The following DPP6 variants were observed in gnomAD, a reference collection of about 807,000 sequenced individuals.
DPP6 encodes the protein dipeptidyl peptidase like 6.
In DPP6, 69 loss-of-function variants were observed where a neutral mutation model predicts 122.6. The observed-to-expected ratio is 0.56, with a 90% CI of 0.46 to 0.69. The LOEUF is 0.69. Among genes scored for constraint, DPP6 ranks in the 30% least tolerant of loss-of-function variants. DPP6 has a pLI of 0.00. For synonymous variants in DPP6, 418 were observed against 433.1 expected (o/e 0.97, Z 0.43); for missense variants, 928 against 1,116.9 (o/e 0.83, Z 2.41).
At chr7:154,247,610 C>T (rs781479920) in intron 1 of DPP6, among the ~76,000 whole-genome samples, 26 of 151,884 alleles carry the variant, frequency 1.7e-4, no homozygotes, top group Non-Finnish European at 2.8e-4. Context: ...CAAATATTGG[C>T]AGGGATGTAA....
the DPP6 span, among the ~76,000 whole-genome samples, chr7:153,881,495 G>T: frequency 6.6e-6 from 1 of 152,150 alleles, no homozygotes; most frequent in African/African-American, 2.4e-5. Context: ...CTACCCAAAT[G>T]ATATCCTTAT....
chr7:153,864,910 A>C, the DPP6 span, among the ~76,000 whole-genome samples: 1,028 of 152,238 alleles, frequency 6.8e-3, 9 homozygotes, highest in Non-Finnish European at 6.6e-3. Flanking sequence ...TCTCAGGATC[A>C]GTGAAAAGAG....
rs190951123 is a variant in DPP6 at position 154,035,722 on chromosome 7, C to T, written c.51+147988C>T. 4.9e-3 allele frequency among the ~76,000 whole-genome samples: 741 copies of T among 152,198 alleles called. 11 individuals are homozygous for T. Among genetic ancestry groups the T allele is most frequent in the African/African-American group, 0.017 (709 of 41,498 alleles). ...GAAGCTCAAAGTTACAGCCAAGGCA[C>T]AGACTGAATGCTTTAAAATCTTGTC... is the stretch of plus-strand genomic sequence containing the variant. On this transcript the variant is annotated intron_variant, in intron 1 of 25. Coordinates refer to the DPP6 transcript ENST00000404039.
intron 1 of DPP6, among the ~76,000 whole-genome samples, chr7:154,254,170 T>C (rs1481529298): frequency 6.6e-6 from 1 of 152,212 alleles, no homozygotes. Flanking sequence ...ATCCCTGTTC[T>C]ATATAGATGA....
At chr7:154,865,555 C>G (rs1176318174) in intron 17 of DPP6, 2 of 151,936 alleles carry the variant, frequency 1.3e-5, no homozygotes, top group African/African-American at 4.9e-5. Context: ...ACACCAGAAA[C>G]TTTTCCATCA....
chr7:154,710,925 T>G (rs753450), intron 7 of DPP6, among the ~76,000 whole-genome samples: 115,002 of 152,190 alleles, frequency 0.76, 45,512 homozygotes, highest in Non-Finnish European at 0.88. Context: ...TGCTTCGCCC[T>G]ATAAATTATG....
At chr7:153,862,378 G>T in the DPP6 span, among the ~76,000 whole-genome samples, 2 of 152,304 alleles carry the variant, frequency 1.3e-5, no homozygotes, top group East Asian at 3.9e-4. Flanking sequence ...TCTGATGGCA[G>T]GTTCCACTCT....
chr7:154,280,853 C>T (rs1339696006), intron 1 of DPP6, among the ~76,000 whole-genome samples: 2 of 152,060 alleles, frequency 1.3e-5, no homozygotes, highest in Non-Finnish European at 2.9e-5. Context: ...CGTAGCCATC[C>T]CACGAGGTAA....
intron 8 of DPP6, among the ~76,000 whole-genome samples, chr7:154,744,520 G>A (rs933957074): frequency 6.6e-6 from 1 of 152,196 alleles, no homozygotes; most frequent in Admixed American, 6.5e-5. Flanking sequence ...GAGGGGATTC[G>A]CAGTGTGTGA....
intron 5 of DPP6, among the ~76,000 whole-genome samples, chr7:154,575,883 G>C (rs1313174929): frequency 6.6e-6 from 1 of 151,866 alleles, no homozygotes; most frequent in East Asian, 1.9e-4. Flanking sequence ...CATTCCAGCG[G>C]ATCTACAGGT....
At chr7:153,836,499 T>A in the DPP6 span, among the ~76,000 whole-genome samples, 50 of 152,228 alleles carry the variant, frequency 3.3e-4, 2 homozygotes, top group Non-Finnish European at 1.5e-4. Flanking sequence ...GGACATTATA[T>A]AATTTATCTT....
At chr7:154,082,295 G>A (rs1258267206) in intron 1 of DPP6, among the ~76,000 whole-genome samples, 1 of 152,152 alleles carries the variant, frequency 6.6e-6, no homozygotes. Flanking sequence ...CATCTTCAGA[G>A]CCATTGTATC....
At chr7:154,371,633 G>A (rs1338745586) in intron 1 of DPP6, among the ~76,000 whole-genome samples, 19 of 152,140 alleles carry the variant, frequency 1.2e-4, no homozygotes, top group Admixed American at 8.5e-4. Context: ...TCTGTGTGCC[G>A]TGGGATGGCC....
rs887547266 is a variant in DPP6, at chr7:154,403,480, G to A, written c.244-42734G>A. Among the ~76,000 whole-genome samples, 1 of 152,136 alleles carries A rather than the reference G, an allele frequency of 6.6e-6. No homozygotes were observed. The highest frequency in any genetic ancestry group is 2.4e-5 in the African/African-American group (1 of 41,430). On this transcript the variant is annotated intron_variant, in intron 1 of 25. Transcript: ENST00000377770. The surrounding 1 kb of genome is among the most constrained non-coding windows in gnomAD (Gnocchi z 4.1). ...GGGCAGCCATGCATGAAGACAGGCT[G>A]GGGGGCGCTAATGCAGCTTTCTCTC...
rs549578627 is a variant in DPP6, at chr7:153,967,399, G to A, written c.51+79665G>A. On this transcript the variant is annotated intron_variant, in intron 1 of 25. Transcript: ENST00000404039. Reference sequence around the variant, plus strand: ...TAGGAGCCACTGTGGAAAAGAGGCCGGAGCATGAACAAGGAGCATCTAACT... The same window carrying A: ...TAGGAGCCACTGTGGAAAAGAGGCCAGAGCATGAACAAGGAGCATCTAACT... 4.9e-4 allele frequency among the ~76,000 whole-genome samples: 74 copies of A among 152,246 alleles called. 1 individual carries two copies. The highest frequency in any genetic ancestry group is 1.7e-3 in the African/African-American group (69 of 41,554).
intron 1 of DPP6, among the ~76,000 whole-genome samples, chr7:154,412,022 A>T (rs1816645933): frequency 6.6e-6 from 1 of 152,094 alleles, no homozygotes; most frequent in Non-Finnish European, 1.5e-5. Flanking sequence ...ATGAAAATGT[A>T]TTTGGTGTCT....
At chr7:154,739,809 C>G (rs1254116499) in intron 8 of DPP6, among the ~76,000 whole-genome samples, 1 of 152,192 alleles carries the variant, frequency 6.6e-6, no homozygotes, top group Non-Finnish European at 1.5e-5. Context: ...ATGCACAGCC[C>G]TCAAACTGCA....
chr7:154,139,944 C>T (rs1348818189), intron 1 of DPP6, among the ~76,000 whole-genome samples: 1 of 152,066 alleles, frequency 6.6e-6, no homozygotes, highest in Non-Finnish European at 1.5e-5. Context: ...ATAAAGATTC[C>T]TTCTCTTGAC....
chr7:154,121,701 C>G (rs973930304), intron 1 of DPP6, among the ~76,000 whole-genome samples: 3 of 152,220 alleles, frequency 2.0e-5, no homozygotes, highest in Non-Finnish European at 4.4e-5. Flanking sequence ...ACCTCACATA[C>G]AGTCCATTTT....
Sources: gnomAD v4.1 joint callset for allele counts (sites outside exome capture counted in the v4.1 genomes callset) on GRCh38, gnomAD v4.1.1 for gene constraint, Gnocchi (gnomAD v3.1) non-coding constraint, MANE v1.5 for transcripts, NCBI Gene and HGNC (gene_info 2026-07-23, HGNC 2026-07-21) for gene names.